DCUN1D4: variants seen among roughly 807,000 people sequenced by gnomAD.
The protein encoded by DCUN1D4 is defective in cullin neddylation 1 domain containing 4.
A neutral mutation model predicts 47.9 loss-of-function variants in DCUN1D4; 22 were observed. The observed-to-expected ratio is 0.46, with a 90% confidence interval of 0.33 to 0.66. The LOEUF is 0.66. Ranked by LOEUF, DCUN1D4 falls within the 30% of genes least tolerant of loss-of-function variation. The pLI, the probability that DCUN1D4 is intolerant of heterozygous loss-of-function variation, is 0.02. For missense variants in DCUN1D4, 301 were observed against 340.8 expected, an observed-to-expected ratio of 0.88 and a Z score of 0.92; for synonymous variants, 121 against 112.2, an observed-to-expected ratio of 1.08 and a Z score of -0.50.
chr4:51,863,785 G>T, intron 3 of DCUN1D4, 76 bp downstream of exon 3: 1 of 1,433,016 alleles, frequency 7.0e-7, no homozygotes, highest in Non-Finnish European at 9.7e-7. Context: ...AGCTATGAAT[G>T]CGCTATGTTG....
intron 9 of DCUN1D4, among the ~76,000 whole-genome samples, chr4:51,911,629 A>T (rs1303253627): frequency 6.6e-6 from 1 of 152,212 alleles, no homozygotes; most frequent in African/African-American, 2.4e-5. Context: ...TAACTTGAGG[A>T]CCTTAGATCA....
chr4:51,844,275 T>C, intron 1 of DCUN1D4: 3 of 953,106 alleles, frequency 3.1e-6, no homozygotes, highest in Non-Finnish European at 3.7e-6. Context: ...GCAGGGTCCC[T>C]TGAAGGGGGG....
chr4:51,844,280 G>C lies in DCUN1D4; in HGVS notation c.25+1013G>C, dbSNP rs1287749700. On this transcript the variant is annotated intron_variant, in intron 1 of 10. Transcript: ENST00000334635. The stretch of plus-strand genomic sequence containing the variant: ...CCCTGTCGAGGCAGGGTCCCTTGAA[G>C]GGGGGAGTCCAAGCTTCGGGGTGCG... The C allele has an allele frequency of 4.1e-6, 4 of 965,734 alleles. No individual in the cohort carries two copies. In the East Asian group the frequency reaches 4.7e-4, roughly 113 times the overall value. The allele number at this position is 965,734 out of a possible 1,614,324, so 59.8% of individuals were successfully genotyped here. A position where few individuals can be genotyped will look rare whatever the true frequency, so the allele number is the denominator to read the frequency against.
chr4:51,873,704 G>A (rs1727246260), intron 3 of DCUN1D4, among the ~76,000 whole-genome samples: 1 of 152,202 alleles, frequency 6.6e-6, no homozygotes, highest in South Asian at 2.1e-4. Flanking sequence ...TGAAAACCCT[G>A]ACTGAATGTG....
rs1320315054 is a variant in DCUN1D4, at chr4:51,916,347, CCT to C, written c.*2764_*2765del. 1 of 152,458 alleles carries C rather than the reference CCT, an allele frequency of 6.6e-6. No homozygotes were observed. Among genetic ancestry groups the C allele is most frequent in the South Asian group, 2.1e-4 (1 of 4,822 alleles). 9.4% of individuals were successfully genotyped at this position (152,458 alleles called of 1,614,324 possible). On this transcript the variant is annotated 3_prime_UTR_variant, in exon 11 of 11. Transcript: ENST00000334635. The stretch of plus-strand genomic sequence containing the variant: ...GTTTTTATAAATCTGACTAGGCAAA[CCT>C]AGATTCTGGTTTCACAATGGATTTA...
chr4:51,905,385 T>C, intron 8 of DCUN1D4: 1 of 258,216 alleles, frequency 3.9e-6, no homozygotes, highest in Non-Finnish European at 8.3e-6. Flanking sequence ...CTGTGGAATC[T>C]TGCTAGAAGA....
intron 8 of DCUN1D4, chr4:51,909,088 A>G (rs760065260): frequency 1.1e-5 from 5 of 443,868 alleles, no homozygotes; most frequent in Non-Finnish European, 2.3e-5. Context: ...TCAGTTTGTC[A>G]GATGATTATA....
At chr4:51,899,187 G>T in intron 7 of DCUN1D4, 83 bp from the exon 8 acceptor site, 2 of 1,430,672 alleles carry the variant, frequency 1.4e-6, no homozygotes, top group Non-Finnish European at 1.8e-6. Context: ...CTTTCCTTTG[G>T]TATTGTGTTT....
chr4:51,837,160 A>AT, the DCUN1D4 span, among the ~76,000 whole-genome samples: 2 of 152,228 alleles, frequency 1.3e-5, no homozygotes, highest in Non-Finnish European at 2.9e-5. Context: ...TCAATGCAGA[A>AT]TAAGGTGAAA....
At chr4:51,844,230 T>G in intron 1 of DCUN1D4, 1 of 729,428 alleles carries the variant, frequency 1.4e-6, no homozygotes. Context: ...GGTGTCAGAC[T>G]GTGCTTAGGG....
intron 7 of DCUN1D4, among the ~76,000 whole-genome samples, chr4:51,892,293 TTC>T (rs1476686834): frequency 1.3e-5 from 2 of 152,268 alleles, no homozygotes; most frequent in African/African-American, 4.8e-5. Context: ...TATTTTTATA[TTC>T]TTTTTTCTCA....
At chr4:51,859,606 T>C (rs1401698666) in intron 1 of DCUN1D4, among the ~76,000 whole-genome samples, 2 of 127,852 alleles carry the variant, frequency 1.6e-5, no homozygotes, top group Admixed American at 1.0e-4. Flanking sequence ...TTTTCTTTTG[T>C]GTAGGTCACA....
At chr4:51,859,712 A>G (rs533982362) in intron 1 of DCUN1D4, among the ~76,000 whole-genome samples, 17 of 151,910 alleles carry the variant, frequency 1.1e-4, no homozygotes, top group Admixed American at 7.2e-4. Context: ...AGTTTTAAGA[A>G]AATCCAGAAG....
chr4:51,855,707 A>T (rs1405560277), intron 1 of DCUN1D4, among the ~76,000 whole-genome samples: 2 of 152,028 alleles, frequency 1.3e-5, no homozygotes, highest in Non-Finnish European at 2.9e-5. Flanking sequence ...GAGGACTAGA[A>T]TTTTTTTTCT....
At chr4:51,886,499 A>G in intron 5 of DCUN1D4, 69 bp from the exon 6 acceptor site, 6 of 1,388,642 alleles carry the variant, frequency 4.3e-6, no homozygotes, top group Non-Finnish European at 6.0e-6. Flanking sequence ...TGACAGTATA[A>G]TACTACTACA....
intron 6 of DCUN1D4, among the ~76,000 whole-genome samples, chr4:51,889,397 T>G: frequency 6.6e-6 from 1 of 152,238 alleles, no homozygotes; most frequent in Non-Finnish European, 1.5e-5. Context: ...CTTATGAAAT[T>G]AAGCAGGCTT....
chr4:51,865,784 C>T (rs1331559349), intron 3 of DCUN1D4, among the ~76,000 whole-genome samples: 2 of 152,134 alleles, frequency 1.3e-5, no homozygotes, highest in Admixed American at 1.3e-4. Context: ...AAGATGGAGA[C>T]TGAAGTAACA....
chr4:51,903,151 T>A (rs1732370256), intron 8 of DCUN1D4, among the ~76,000 whole-genome samples: 1 of 152,060 alleles, frequency 6.6e-6, no homozygotes, highest in Admixed American at 6.5e-5. Flanking sequence ...TTTGTGTAGA[T>A]CCAGATTTCT....
chr4:51,888,695 G>A (rs1007322325), intron 6 of DCUN1D4, among the ~76,000 whole-genome samples: 1 of 147,086 alleles, frequency 6.8e-6, no homozygotes, highest in African/African-American at 2.5e-5. Context: ...CTGCACTCCA[G>A]CCTGGGCAAC....
Sources: gnomAD v4.1 joint callset for allele counts (sites outside exome capture counted in the v4.1 genomes callset) on GRCh38, gnomAD v4.1.1 for gene constraint, MANE v1.5 for transcripts, NCBI Gene and HGNC (gene_info 2026-07-23, HGNC 2026-07-21) for gene names.